INPP4B: variants seen among roughly 807,000 people sequenced by gnomAD.
INPP4B encodes the protein inositol polyphosphate 4-phosphatase type II.
In INPP4B, 55 loss-of-function variants were observed where a neutral mutation model predicts 122.5. The ratio of observed to expected loss-of-function variants is 0.45; its 90% CI spans 0.36 to 0.56. The LOEUF (loss-of-function observed/expected upper bound fraction) is 0.56. INPP4B is among the 20% of genes least tolerant of loss of function. INPP4B has a pLI of 0.00. For missense variants in INPP4B, 1,000 were observed against 1,097.7 expected (o/e 0.91, Z 1.26); for synonymous variants, 403 against 388.7 (o/e 1.04, Z -0.43).
intron 2 of INPP4B, among the ~76,000 whole-genome samples, chr4:142,503,987 T>A (rs569198240): frequency 6.6e-6 from 1 of 152,026 alleles, no homozygotes; most frequent in Admixed American, 6.6e-5. Flanking sequence ...ACAAAAACAT[T>A]AGGAGACAGC....
chr4:142,562,455 C>T (rs1450631008), intron 2 of INPP4B, among the ~76,000 whole-genome samples: 3 of 152,146 alleles, frequency 2.0e-5, no homozygotes, highest in Non-Finnish European at 4.4e-5. Context: ...CATATGCTTA[C>T]ATCCCATATA....
intron 2 of INPP4B, among the ~76,000 whole-genome samples, chr4:142,602,868 C>A (rs1247744374): frequency 6.6e-6 from 1 of 152,018 alleles, no homozygotes; most frequent in African/African-American, 2.4e-5. Context: ...GGGTATATAC[C>A]CAAAGGAATA....
At chr4:142,347,555 A>T (rs1444897838) in intron 7 of INPP4B, 3 of 425,604 alleles carry the variant, frequency 7.0e-6, no homozygotes, top group Non-Finnish European at 1.4e-5. Context: ...GTTGATCCTG[A>T]ACTGAATTAG....
At chr4:142,158,847 GA>G (rs1008893989) in intron 17 of INPP4B, among the ~76,000 whole-genome samples, 3 of 151,230 alleles carry the variant, frequency 2.0e-5, no homozygotes, top group African/African-American at 7.3e-5. Context: ...AAATGAGGGG[GA>G]AAAATTCCAA....
rs570645703 is a variant in INPP4B, at chr4:142,443,165, A to G, written c.-126-11780T>C. ...GGTAATAAGAATTCAGCCAAAATAT[A>G]TAATGTCATCTGTGGGCTAGCATGA... On this transcript the variant is annotated intron_variant, in intron 3 of 25. Transcript: ENST00000262992. Among the ~76,000 whole-genome samples, 183 of 152,282 alleles carry G rather than the reference A, an allele frequency of 1.2e-3. 2 individuals carry two copies. The highest frequency in any genetic ancestry group is 4.0e-4 in the Non-Finnish European group (27 of 68,018).
In INPP4B at chr4:142,372,609, G is replaced by A. The variant is rs190336390; in HGVS notation, c.372+30329C>T. Among the ~76,000 whole-genome samples, 4 of 152,132 alleles carry A rather than the reference G, an allele frequency of 2.6e-5. No homozygotes were observed. In the East Asian group the frequency reaches 7.7e-4, roughly 29 times the overall value. ...TACAATGGAAAAGACAGAGAGGGTT[G>A]GGAAGCATTTCAATGATGGGCACAT... On this transcript the variant is annotated intron_variant, in intron 7 of 25. Coordinates refer to ENST00000262992, the MANE Select transcript of INPP4B (RefSeq NM_001101669.3).
intron 2 of INPP4B, among the ~76,000 whole-genome samples, chr4:142,627,323 C>G (rs1580545231): frequency 6.7e-6 from 1 of 149,978 alleles, no homozygotes; most frequent in African/African-American, 2.5e-5. Flanking sequence ...GCATCCCTGT[C>G]TTATGCCAGT....
intron 2 of INPP4B, among the ~76,000 whole-genome samples, chr4:142,568,413 T>G (rs2081474): frequency 6.6e-6 from 1 of 151,954 alleles, no homozygotes; most frequent in African/African-American, 2.4e-5. Context: ...CTTGTTTTTC[T>G]TCATATACAA....
At chr4:142,615,718 G>T (rs2150354565) in intron 2 of INPP4B, among the ~76,000 whole-genome samples, 1 of 152,170 alleles carries the variant, frequency 6.6e-6, no homozygotes, top group African/African-American at 2.4e-5. Flanking sequence ...ATCATGGCTG[G>T]GAATTCAGTT....
chr4:142,048,002 GTTCCTATGTATTAAGCACTGACTAT>G lies in INPP4B; in HGVS notation c.2643-19113_2643-19089del, dbSNP rs574719291. Among the ~76,000 whole-genome samples, 330 of 152,158 alleles carry G rather than the reference GTTCCTATGTATTAAGCACTGACTAT, an allele frequency of 2.2e-3. 1 individual carries two copies. Among genetic ancestry groups the G allele is most frequent in the African/African-American group, 7.3e-3 (305 of 41,516 alleles). The stretch of plus-strand genomic sequence containing the variant: ...AATTCATAAAAAGTCAATCATAAAA[GTTCCTATGTATTAAGCACTGACTAT>G]TTCACAAATGCTGATCACCTCACCC... On this transcript the variant is annotated intron_variant, in intron 25 of 25. Coordinates refer to ENST00000262992, the MANE Select transcript of INPP4B (RefSeq NM_001101669.3).
At chr4:142,717,013 T>C (rs1373281909) in intron 2 of INPP4B, among the ~76,000 whole-genome samples, 3 of 152,228 alleles carry the variant, frequency 2.0e-5, no homozygotes, top group African/African-American at 7.2e-5. Context: ...TCAATCTTAT[T>C]ATTTCTATTT....
intron 7 of INPP4B, among the ~76,000 whole-genome samples, chr4:142,316,436 G>T (rs1310486842): frequency 6.6e-6 from 1 of 152,156 alleles, no homozygotes; most frequent in Non-Finnish European, 1.5e-5. Context: ...ATTATACATA[G>T]TATGTATAAA....
At chr4:142,360,138 C>A (rs375382510) in intron 7 of INPP4B, among the ~76,000 whole-genome samples, 4 of 151,956 alleles carry the variant, frequency 2.6e-5, no homozygotes, top group African/African-American at 9.6e-5. Context: ...CCATTATAGA[C>A]CCTGAGATCA....
chr4:142,536,192 G>T (rs535400440), intron 2 of INPP4B, among the ~76,000 whole-genome samples: 1 of 152,122 alleles, frequency 6.6e-6, no homozygotes, highest in Non-Finnish European at 1.5e-5. Context: ...CCAATTATCT[G>T]TATAAGAATT....
intron 18 of INPP4B, among the ~76,000 whole-genome samples, chr4:142,134,190 A>G (rs1454616517): frequency 6.6e-6 from 1 of 152,234 alleles, no homozygotes; most frequent in Non-Finnish European, 1.5e-5. Context: ...AAAACGTGGC[A>G]TCCTTTTTAT....
chr4:142,699,348 A>G (rs955520334), intron 2 of INPP4B, among the ~76,000 whole-genome samples: 2 of 152,098 alleles, frequency 1.3e-5, no homozygotes, highest in African/African-American at 4.8e-5. Flanking sequence ...TCCAGCTTAA[A>G]TGTCATGGTT....
rs1277035910 is a variant in INPP4B, at chr4:142,369,032, G to A, written c.372+33906C>T. Among the ~76,000 whole-genome samples, 4 of 152,170 alleles carry A rather than the reference G, an allele frequency of 2.6e-5. No individual in the cohort carries two copies. The East Asian group carries it at 5.8e-4, about 22-fold the overall frequency. On this transcript the variant is annotated intron_variant, in intron 7 of 25. Transcript: ENST00000262992. ...GAGAAGGAGGAAGAAGAGGAACTGG[G>A]AGGAAGGGTTCAAAAAATGAGGAAA...
At chr4:142,637,934 T>C (rs2150460804) in intron 2 of INPP4B, among the ~76,000 whole-genome samples, 1 of 152,304 alleles carries the variant, frequency 6.6e-6, no homozygotes, top group East Asian at 1.9e-4. Flanking sequence ...AATTTTGCAG[T>C]TCTCTAATGA....
At chr4:142,715,093 A>G (rs142747799) in intron 2 of INPP4B, among the ~76,000 whole-genome samples, 2,371 of 152,278 alleles carry the variant, frequency 0.016, 54 homozygotes, top group African/African-American at 0.052. Context: ...CCTCTCCCAG[A>G]GCTCAAACCT....
Sources: allele counts gnomAD v4.1 joint callset (sites outside exome capture counted in the v4.1 genomes callset), GRCh38; gene constraint gnomAD v4.1.1; transcripts MANE v1.5; gene names NCBI Gene and HGNC (gene_info 2026-07-23, HGNC 2026-07-21).